Variants in GRID2 observed in about 807,000 individuals in gnomAD.
The protein encoded by GRID2 is glutamate receptor ionotropic, delta-2.
GRID2 carries 33 observed loss-of-function variants against 114.8 expected under a neutral mutation model. The ratio of observed to expected loss-of-function variants is 0.29; its 90% CI spans 0.22 to 0.38. GRID2 has a LOEUF of 0.38. Among genes scored for constraint, GRID2 ranks in the 10% least tolerant of loss-of-function variants. The probability of loss-of-function intolerance (pLI) is 1.00; values close to 1 mark genes in which losing one functional copy is unlikely to be tolerated. For synonymous variants in GRID2, 505 were observed against 449.9 expected (o/e 1.12, Z -1.55); for missense variants, 1,184 against 1,257.7 (o/e 0.94, Z 0.89).
At chr4:93,577,344 G>A (rs895014052) in intron 13 of GRID2, among the ~76,000 whole-genome samples, 1 of 151,986 alleles carries the variant, frequency 6.6e-6, no homozygotes, top group Non-Finnish European at 1.5e-5. Flanking sequence ...AAATGCAAAG[G>A]CAGCCACTAA....
chr4:93,215,107 T>C (rs768045105), intron 5 of GRID2, among the ~76,000 whole-genome samples: 4 of 152,030 alleles, frequency 2.6e-5, no homozygotes, highest in African/African-American at 4.8e-5. Context: ...TAACATATAG[T>C]AGATACTTAT....
At chr4:93,535,350 A>G (rs867705164) in intron 13 of GRID2, among the ~76,000 whole-genome samples, 1 of 152,002 alleles carries the variant, frequency 6.6e-6, no homozygotes, top group African/African-American at 2.4e-5. Context: ...GAATGCCACC[A>G]TGAACATAAG....
chr4:93,428,365 A>C (rs1769055863), intron 10 of GRID2, among the ~76,000 whole-genome samples: 2 of 152,088 alleles, frequency 1.3e-5, no homozygotes, highest in Admixed American at 1.3e-4. Context: ...TGGATATCTA[A>C]ATTATTTTTT....
chr4:93,267,885 G>A (rs1327114996), intron 8 of GRID2, among the ~76,000 whole-genome samples: 1 of 152,172 alleles, frequency 6.6e-6, no homozygotes, highest in African/African-American at 2.4e-5. Flanking sequence ...GTGGCACCCA[G>A]GTGTGAGATC....
chr4:92,868,066 T>TTCTTTCTGTCTG (rs1407614791), intron 2 of GRID2, among the ~76,000 whole-genome samples: 2 of 123,216 alleles, frequency 1.6e-5, no homozygotes, highest in Non-Finnish European at 3.4e-5. Flanking sequence ...CTTTCTTTCT[T>TTCTTTCTGTCTG]TCTGTCTGTC....
intron 13 of GRID2, among the ~76,000 whole-genome samples, chr4:93,587,851 T>G (rs951470681): frequency 2.6e-5 from 4 of 152,084 alleles, no homozygotes; most frequent in Non-Finnish European, 5.9e-5. Context: ...GAAATTGAAG[T>G]AAGGTTGATG....
intron 8 of GRID2, among the ~76,000 whole-genome samples, chr4:93,370,058 TC>T: frequency 6.6e-6 from 1 of 152,166 alleles, no homozygotes; most frequent in Non-Finnish European, 1.5e-5. Context: ...TGATCCCCCT[TC>T]CTTCTAATCC....
chr4:92,845,196 TTTGA>T (rs762288609), intron 2 of GRID2, among the ~76,000 whole-genome samples: 12 of 152,262 alleles, frequency 7.9e-5, no homozygotes, highest in South Asian at 6.2e-4. Context: ...ATAGAGGCAC[TTTGA>T]TTGATTTTTC....
rs540292786 is a variant in GRID2, at chr4:93,755,617, T to C, written c.2361-13593T>C. On this transcript the variant is annotated intron_variant, in intron 14 of 15. Coordinates refer to ENST00000282020, the MANE Select transcript of GRID2 (RefSeq NM_001510.4). ...ATCCTTATTCCTACTAAGGAAATAG[T>C]GTTAACATATGCCCAAAGAGGTGAT... Among the ~76,000 whole-genome samples the C allele has an allele frequency of 4.5e-4, 68 of 152,338 alleles. 1 individual carries two copies. Among genetic ancestry groups the C allele is most frequent in the African/African-American group, 1.6e-3 (65 of 41,596 alleles).
intron 13 of GRID2, among the ~76,000 whole-genome samples, chr4:93,613,217 AT>A (rs1201670992): frequency 1.5e-4 from 22 of 144,280 alleles, no homozygotes; most frequent in Admixed American, 4.2e-4. Context: ...ATTCTTCTAA[AT>A]TTTTTTCAAA....
chr4:92,687,711 C>T (rs1443586988), intron 2 of GRID2, among the ~76,000 whole-genome samples: 5 of 152,026 alleles, frequency 3.3e-5, no homozygotes, highest in African/African-American at 9.7e-5. Context: ...CGCCTATAAT[C>T]GCAGCTACTC....
At chr4:93,369,190 G>A (rs902637598) in intron 8 of GRID2, among the ~76,000 whole-genome samples, 4 of 152,116 alleles carry the variant, frequency 2.6e-5, no homozygotes, top group Non-Finnish European at 4.4e-5. Flanking sequence ...TCTGTTAGCT[G>A]TCAGCATTCT....
chr4:92,720,528 A>C (rs1460706187), intron 2 of GRID2, among the ~76,000 whole-genome samples: 1 of 151,930 alleles, frequency 6.6e-6, no homozygotes, highest in East Asian at 1.9e-4. Flanking sequence ...GCGAGACTCC[A>C]TCTCAAATAA....
intron 2 of GRID2, among the ~76,000 whole-genome samples, chr4:92,602,580 A>C (rs1052050720): frequency 6.6e-6 from 1 of 152,194 alleles, no homozygotes; most frequent in Admixed American, 6.6e-5. Context: ...GTGTATGACA[A>C]ACCCACAGCC....
chr4:93,227,132 C>T (rs982378391), intron 7 of GRID2, among the ~76,000 whole-genome samples: 2 of 152,156 alleles, frequency 1.3e-5, no homozygotes, highest in African/African-American at 4.8e-5. Context: ...CCTTTTAAAT[C>T]TTTCTCCTAT....
intron 2 of GRID2, among the ~76,000 whole-genome samples, chr4:92,807,995 A>T (rs1740498748): frequency 6.6e-6 from 1 of 151,948 alleles, no homozygotes; most frequent in South Asian, 2.1e-4. Context: ...TAAATTGAGG[A>T]TTTTGAAATG....
chr4:93,086,089 G>A (rs1026757360), intron 3 of GRID2, among the ~76,000 whole-genome samples: 5 of 151,974 alleles, frequency 3.3e-5, no homozygotes, highest in Non-Finnish European at 7.4e-5. Flanking sequence ...AAATAAAATA[G>A]AGATGAGTAT....
At chr4:92,461,292 G>C (rs565502612) in intron 1 of GRID2, among the ~76,000 whole-genome samples, 1 of 151,944 alleles carries the variant, frequency 6.6e-6, no homozygotes, top group African/African-American at 2.4e-5. Context: ...TTAAGCAAAA[G>C]GACATACAGC....
At chr4:93,277,246 C>G (rs1435440691) in intron 8 of GRID2, among the ~76,000 whole-genome samples, 1 of 151,800 alleles carries the variant, frequency 6.6e-6, no homozygotes, top group Non-Finnish European at 1.5e-5. Flanking sequence ...ATAACATGTC[C>G]ATTATTTTGC....
Sources: allele counts gnomAD v4.1 joint callset (sites outside exome capture counted in the v4.1 genomes callset), GRCh38; gene constraint gnomAD v4.1.1; transcripts MANE v1.5; gene names NCBI Gene and HGNC (gene_info 2026-07-23, HGNC 2026-07-21).